ITIH2: variants seen among roughly 807,000 people sequenced by gnomAD.
The protein encoded by ITIH2 is inter-alpha-trypsin inhibitor heavy chain 2.
ITIH2 carries 103 observed loss-of-function variants against 104.4 expected under a neutral mutation model. The observed-to-expected ratio is 0.99, with a 90% CI of 0.84 to 1.16. ITIH2 has a LOEUF of 1.16. Ranked by LOEUF, ITIH2 falls within the 50% of genes most tolerant of loss-of-function variation. ITIH2 has a pLI of 0.00. For missense variants in ITIH2, 1,108 were observed against 1,162.4 expected (o/e 0.95, Z 0.68); for synonymous variants, 436 against 435.4 (o/e 1.00, Z -0.02).
chr10:7,734,570 C>T (rs1835034383), intron 14 of ITIH2, among the ~76,000 whole-genome samples: 1 of 152,058 alleles, frequency 6.6e-6, no homozygotes, highest in Non-Finnish European at 1.5e-5. Context: ...TGGCATGTGC[C>T]TGTAGTCTCA....
intron 12 of ITIH2, 25 bp from the exon 13 acceptor site, chr10:7,731,784 TTC>T (rs753457135): frequency 4.9e-3 from 6,738 of 1,373,694 alleles, no homozygotes; most frequent in South Asian, 7.4e-3. Flanking sequence ...GGAACATAAT[TTC>T]TCTCTCTCTC....
At chr10:7,706,464 G>A (rs530535206) in intron 2 of ITIH2, among the ~76,000 whole-genome samples, 2 of 152,258 alleles carry the variant, frequency 1.3e-5, no homozygotes, top group Admixed American at 6.5e-5. Context: ...CTCCTAGCAT[G>A]GTGGTTAAAA....
intron 13 of ITIH2, 95 bp downstream of exon 13, chr10:7,732,091 T>C (rs1835009088): frequency 1.9e-6 from 2 of 1,036,816 alleles, no homozygotes; most frequent in East Asian, 2.4e-5. Flanking sequence ...ATCATGGGTG[T>C]AGAACAGAAG....
rs1834924617 is a variant in ITIH2 at position 7,723,384 on chromosome 10, G to C, written c.868-67G>C. ...GACCCCTCTCTTCTCTGAGTCCCCA[G>C]GTCCCCATCTTCCTACCTTCTAAAC... On this transcript the variant is annotated intron_variant, in intron 8 of 20. Transcript: ENST00000358415. 7 of 993,676 alleles carry C rather than the reference G, an allele frequency of 7.0e-6. No homozygotes were observed. In the Admixed American group the frequency reaches 1.2e-4, roughly 17 times the overall value. 61.6% of individuals were successfully genotyped at this position (993,676 alleles called of 1,614,324 possible).
At chr10:7,743,440 ACT>A (rs1835146006) in intron 17 of ITIH2, among the ~76,000 whole-genome samples, 181 bp downstream of exon 17, 1 of 152,110 alleles carries the variant, frequency 6.6e-6, no homozygotes, top group Admixed American at 6.6e-5. Context: ...CAAAATATAT[ACT>A]CTGAGTATGA....
Position 7,705,126 on chromosome 10 carries a change from C to G in ITIH2, c.103C>G (p.Leu35Val). 1 of 1,610,628 alleles carries G rather than the reference C, an allele frequency of 6.2e-7. No individual in the cohort carries two copies. Among genetic ancestry groups the G allele is most frequent in the Non-Finnish European group, 8.5e-7 (1 of 1,177,768 alleles). The part of the protein sequence containing the change: ...GLSEFVDYED[L>V]VELAPGKFQL... Reference sequence around the variant, plus strand: ...TTTTAAGTTTGTAGACTATGAAGATCTTGTGGAACTGGCCCCAGGCAAATT... The same window carrying G: ...TTTTAAGTTTGTAGACTATGAAGATGTTGTGGAACTGGCCCCAGGCAAATT... Residue 35 changes from leucine (L) to valine (V), a missense_variant, in exon 2 of 21, where the codon CTT (leucine) becomes GTT (valine). By Grantham distance (32) the Leu-to-Val change is conservative. Transcript: ENST00000358415.
At chr10:7,732,136 G>A (rs1835009567) in intron 13 of ITIH2, 140 bp downstream of exon 13, 2 of 869,714 alleles carry the variant, frequency 2.3e-6, no homozygotes, top group Admixed American at 2.5e-5. Context: ...GAATATCTCT[G>A]CCATCTTCCC....
intron 6 of ITIH2, among the ~76,000 whole-genome samples, chr10:7,719,782 A>AAAAAAAAAC (rs754890159): frequency 2.9e-5 from 4 of 137,148 alleles, no homozygotes; most frequent in African/African-American, 5.7e-5. Flanking sequence ...AAAAAAAAAA[A>AAAAAAAAAC]AGAAAGAAAG....
intron 11 of ITIH2, among the ~76,000 whole-genome samples, chr10:7,728,648 G>A (rs142987218): frequency 4.2e-4 from 64 of 151,694 alleles, no homozygotes; most frequent in Admixed American, 3.7e-3. Flanking sequence ...CTCCCACCTC[G>A]GACTCCCAAA....
chr10:7,726,743 G>A (rs959281629), intron 9 of ITIH2, among the ~76,000 whole-genome samples: 3 of 152,180 alleles, frequency 2.0e-5, no homozygotes, highest in Non-Finnish European at 4.4e-5. Context: ...AAAATAGATA[G>A]TAAAATTATC....
At position 7,745,831 on chromosome 10, in the gene ITIH2, C is replaced by T. The variant is rs558341876; in HGVS notation, c.2582-762C>T. 6.6e-5 allele frequency among the ~76,000 whole-genome samples: 10 copies of T among 151,210 alleles called. No individual in the cohort carries two copies. The East Asian group carries it at 1.2e-3, about 19-fold the overall frequency. On this transcript the variant is annotated intron_variant, in intron 19 of 20. Coordinates refer to ENST00000358415, the MANE Select transcript of ITIH2 (RefSeq NM_002216.3). ...GCGCAGTGGCGCAATCTCGGCTCAC[C>T]GCAACCGCTGCCTCCCCGGTTCATG...
intron 14 of ITIH2, among the ~76,000 whole-genome samples, chr10:7,734,644 G>A (rs978684130): frequency 2.6e-5 from 4 of 152,102 alleles, no homozygotes; most frequent in Admixed American, 6.5e-5. Context: ...GCAGAGAACC[G>A]TGATTGTGCC....
intron 3 of ITIH2, among the ~76,000 whole-genome samples, chr10:7,707,653 C>T (rs191225294): frequency 9.9e-5 from 15 of 152,284 alleles, no homozygotes; most frequent in African/African-American, 3.6e-4. Flanking sequence ...GCAACCTCTG[C>T]CCCCTGGGTT....
chr10:7,721,883 G>A (rs1027085175), intron 8 of ITIH2, 106 bp downstream of exon 8: 1 of 1,234,512 alleles, frequency 8.1e-7, no homozygotes. Context: ...GCCAGGGCAA[G>A]TGTTTCTAGC....
chr10:7,746,626 T>G lies in ITIH2; in HGVS notation c.2615T>G (p.Phe872Cys). 6.2e-7 allele frequency: 1 copy of G among 1,613,826 alleles called. No homozygotes were observed. The highest frequency in any genetic ancestry group is 8.5e-7 in the Non-Finnish European group (1 of 1,179,822). ...QFMQEPKIHI[F>C]NERPGKDPEK... ...ATGCAGGAACCAAAGATACACATCT[T>G]CAATGAGAGACCAGGAAAGGACCCT... is the stretch of plus-strand genomic sequence containing the variant. Residue 872 changes from phenylalanine (F) to cysteine (C), a missense_variant, in exon 20 of 21, where the codon TTC becomes TGC. Physicochemically the swap from Phe to Cys is radical, Grantham distance 205. Transcript: ENST00000358415.
intron 16 of ITIH2, among the ~76,000 whole-genome samples, chr10:7,742,004 T>C (rs1002265480): frequency 6.6e-6 from 1 of 152,212 alleles, no homozygotes; most frequent in Non-Finnish European, 1.5e-5. Flanking sequence ...GGGGCACTAA[T>C]CATTTTCATC....
In ITIH2 at chr10:7,744,062, CATTT is replaced by C. The variant is rs776151115; in HGVS notation, c.2210-19_2210-16del. 26 of 1,597,274 alleles carry C rather than the reference CATTT, an allele frequency of 1.6e-5. No homozygotes were observed. The highest frequency in any genetic ancestry group is 2.1e-5 in the Non-Finnish European group (25 of 1,166,196). On this transcript the variant is annotated splice_polypyrimidine_tract_variant and intron_variant, in intron 17 of 20. Coordinates refer to ENST00000358415, the MANE Select transcript of ITIH2 (RefSeq NM_002216.3). ...ATAAATGGCACAGAAGAGAAAACAT[CATTT>C]TTTTCTTTCCTGTAGGAATTGTAGT... is the stretch of plus-strand genomic sequence containing the variant.
chr10:7,734,511 A>C (rs1588458812), intron 14 of ITIH2, among the ~76,000 whole-genome samples: 1 of 152,216 alleles, frequency 6.6e-6, no homozygotes, highest in Admixed American at 6.5e-5. Context: ...CCTGGGCAAC[A>C]TGGCAAAAGC....
rs1053044612 is a variant in ITIH2, at chr10:7,741,640, A to C, written c.2096-1506A>C. On this transcript the variant is annotated intron_variant, in intron 16 of 20. Transcript: ENST00000358415. ...ACAAGCTTCCTGTAACTCCTCTGCAAACTTTTAGTAACACTGCCACCAACA... is the reference window on the plus strand; with the variant it reads ...ACAAGCTTCCTGTAACTCCTCTGCACACTTTTAGTAACACTGCCACCAACA... Among the ~76,000 whole-genome samples the C allele has an allele frequency of 1.1e-3, 167 of 152,290 alleles. 1 individual carries two copies. The highest frequency in any genetic ancestry group is 3.9e-3 in the African/African-American group (161 of 41,560).
Sources: allele counts gnomAD v4.1 joint callset (sites outside exome capture counted in the v4.1 genomes callset), GRCh38; gene constraint gnomAD v4.1.1; transcripts MANE v1.5; gene names NCBI Gene and HGNC (gene_info 2026-07-23, HGNC 2026-07-21).